Variants in CHMP4B observed in about 807,000 individuals in gnomAD.
CHMP4B encodes the protein SNF7 homolog associated with Alix 1.
In CHMP4B, 1 loss-of-function variant was observed where a neutral mutation model predicts 25.1. The ratio of observed to expected loss-of-function variants is 0.04; its 90% CI spans 0.01 to 0.19. The LOEUF (loss-of-function observed/expected upper bound fraction) is 0.19. Ranked by LOEUF, CHMP4B falls within the 10% of genes least tolerant of loss-of-function variation. The pLI is 1.00. For missense variants in CHMP4B, 151 were observed against 289.7 expected (o/e 0.52, Z 3.48); for synonymous variants, 101 against 115.6 (o/e 0.87, Z 0.81).
chr20:33,812,112 C>G (rs917387802), intron 1 of CHMP4B, among the ~76,000 whole-genome samples: 4 of 152,208 alleles, frequency 2.6e-5, no homozygotes, highest in Non-Finnish European at 4.4e-5. Context: ...GCCCCTTGGC[C>G]TCTCCCCTGT....
At chr20:33,849,386 G>A (rs1979776697) in intron 2 of CHMP4B, among the ~76,000 whole-genome samples, 1 of 152,144 alleles carries the variant, frequency 6.6e-6, no homozygotes, top group Non-Finnish European at 1.5e-5. Context: ...ATCACCTGAG[G>A]TCAGGAGTTC....
intron 1 of CHMP4B, among the ~76,000 whole-genome samples, chr20:33,821,130 T>C (rs1236235355): frequency 1.3e-5 from 2 of 152,178 alleles, no homozygotes; most frequent in African/African-American, 4.8e-5. Context: ...CTCACGCCTG[T>C]AATCCCAGCA....
Position 33,811,480 on chromosome 20 carries a change from C to G in CHMP4B, c.12C>G (p.Phe4Leu). 2 of 1,568,346 alleles carry G rather than the reference C, an allele frequency of 1.3e-6. No individual in the cohort carries two copies. Among genetic ancestry groups the G allele is most frequent in the African/African-American group, 1.3e-5 (1 of 74,110 alleles). ...GGCGAGCAGCAACCATGTCGGTGTT[C>G]GGGAAGCTGTTCGGGGCTGGAGGGG... MSV[F>L]GKLFGAGGGK... is the part of the protein sequence containing the mutation. The change falls in exon 1 of 5, where the codon TTC becomes TTG. Residue 4 changes from phenylalanine to leucine, a missense_variant. Phe to Leu is a conservative substitution (Grantham distance 22). Transcript: ENST00000217402.
intron 1 of CHMP4B, among the ~76,000 whole-genome samples, chr20:33,828,329 A>C (rs1397890839): frequency 1.3e-5 from 2 of 152,222 alleles, no homozygotes; most frequent in South Asian, 2.1e-4. Context: ...ATTCCAGTGA[A>C]TTCTACTGTA....
intron 3 of CHMP4B, among the ~76,000 whole-genome samples, chr20:33,851,782 T>C (rs1979857155): frequency 6.6e-6 from 1 of 152,206 alleles, no homozygotes; most frequent in South Asian, 2.1e-4. Flanking sequence ...TTCACTCGTG[T>C]GCCCAGCTCT....
At chr20:33,828,385 C>G (rs1979150428) in intron 1 of CHMP4B, among the ~76,000 whole-genome samples, 1 of 152,208 alleles carries the variant, frequency 6.6e-6, no homozygotes, top group Non-Finnish European at 1.5e-5. Flanking sequence ...GTGGCCAACC[C>G]TGCCAGAATA....
Position 33,848,721 on chromosome 20 carries a change from C to T in CHMP4B, c.368+77C>T, listed in dbSNP as rs543604811. ...CTCGTACCCAGGCCATGGCCTTGGGCAGACGGATCCCTTGACTTACCTATT... is the reference window on the plus strand; with the variant it reads ...CTCGTACCCAGGCCATGGCCTTGGGTAGACGGATCCCTTGACTTACCTATT... On this transcript the variant is annotated intron_variant, in intron 2 of 4. Coordinates refer to ENST00000217402, the MANE Select transcript of CHMP4B (RefSeq NM_176812.5). The T allele has an allele frequency of 5.0e-5, 74 of 1,478,190 alleles. 1 individual carries two copies. The Admixed American group carries it at 1.3e-3, about 26-fold the overall frequency. 91.6% of individuals were successfully genotyped at this position (1,478,190 alleles called of 1,614,324 possible).
intron 1 of CHMP4B, among the ~76,000 whole-genome samples, chr20:33,837,998 C>G (rs1302488563): frequency 6.6e-6 from 1 of 152,142 alleles, no homozygotes; most frequent in Admixed American, 6.5e-5. Flanking sequence ...GTCTGAGGCC[C>G]TAGGAAATGA....
At position 33,832,199 on chromosome 20, in the gene CHMP4B, C is replaced by A. The variant is rs77425107; in HGVS notation, c.191-16268C>A. ...TTGCCAGGGTGCTCTCATGCTTGCT[C>A]AGGCAGAAGGGGGCCCTTGTTGGCA... On this transcript the variant is annotated intron_variant, in intron 1 of 4. Transcript: ENST00000217402. Among the ~76,000 whole-genome samples, 157 of 152,282 alleles carry A rather than the reference C, an allele frequency of 1.0e-3. 2 individuals are homozygous for A. Among genetic ancestry groups the A allele is most frequent in the East Asian group, 7.3e-3 (38 of 5,184 alleles).
At chr20:33,826,299 G>A (rs771455212) in intron 1 of CHMP4B, among the ~76,000 whole-genome samples, 4 of 152,110 alleles carry the variant, frequency 2.6e-5, no homozygotes, top group Non-Finnish European at 5.9e-5. Context: ...ATTCGAGGCC[G>A]AGGAGACTGT....
chr20:33,848,750 G>A lies in CHMP4B; in HGVS notation c.368+106G>A. The A allele has an allele frequency of 3.4e-6, 4 of 1,188,276 alleles. No individual in the cohort carries two copies. The South Asian group carries it at 5.2e-5, about 16-fold the overall frequency. 73.6% of individuals were successfully genotyped at this position (1,188,276 alleles called of 1,614,324 possible). On this transcript the variant is annotated intron_variant, in intron 2 of 4. Transcript: ENST00000217402. The stretch of plus-strand genomic sequence containing the variant: ...CGGATCCCTTGACTTACCTATTCGA[G>A]CACCTGAGTTTGTTTTAATTCTCAT...
At chr20:33,843,498 T>C (rs1979600075) in intron 1 of CHMP4B, among the ~76,000 whole-genome samples, 1 of 152,244 alleles carries the variant, frequency 6.6e-6, no homozygotes, top group Non-Finnish European at 1.5e-5. Context: ...TTGATTTAGC[T>C]GAACAGCTTC....
intron 1 of CHMP4B, among the ~76,000 whole-genome samples, chr20:33,814,369 C>T (rs558235322): frequency 5.5e-4 from 83 of 152,142 alleles, no homozygotes; most frequent in African/African-American, 2.0e-3. Context: ...AGTGTATGTG[C>T]GTGTGAGAGA....
At chr20:33,834,992 C>T (rs775849318) in intron 1 of CHMP4B, among the ~76,000 whole-genome samples, 2 of 152,076 alleles carry the variant, frequency 1.3e-5, no homozygotes, top group Non-Finnish European at 2.9e-5. Flanking sequence ...AGACGAGTTT[C>T]ACCATGTTGG....
Position 33,852,349 on chromosome 20 carries a change from C to T in CHMP4B, c.610+146C>T, listed in dbSNP as rs146228790. 709 of 988,394 alleles carry T rather than the reference C, an allele frequency of 7.2e-4. 6 individuals are homozygous for T. The African/African-American group carries it at 9.2e-3, about 13-fold the overall frequency. The allele number at this position is 988,394 out of a possible 1,614,324, so 61.2% of individuals were successfully genotyped here. A position where few individuals can be genotyped will look rare whatever the true frequency, so the allele number is the denominator to read the frequency against. ...CCTGAGCTTGCCCAAGATTGAGAAC[C>T]AGACAGGATCCATTGTAGTGGCCAC... is the stretch of plus-strand genomic sequence containing the variant. On this transcript the variant is annotated intron_variant, in intron 4 of 4. Transcript: ENST00000217402.
At chr20:33,831,582 C>T (rs1272348909) in intron 1 of CHMP4B, among the ~76,000 whole-genome samples, 1 of 152,074 alleles carries the variant, frequency 6.6e-6, no homozygotes, top group Non-Finnish European at 1.5e-5. Flanking sequence ...CTATGTTGCC[C>T]AGGCTGGTCT....
intron 1 of CHMP4B, among the ~76,000 whole-genome samples, chr20:33,816,317 A>C (rs1235024179): frequency 1.3e-5 from 2 of 152,220 alleles, no homozygotes; most frequent in Non-Finnish European, 2.9e-5. Context: ...TATTCATCTC[A>C]CATGCCTATG....
At chr20:33,839,637 G>A (rs1323491618) in intron 1 of CHMP4B, among the ~76,000 whole-genome samples, 2 of 152,180 alleles carry the variant, frequency 1.3e-5, no homozygotes, top group Non-Finnish European at 2.9e-5. Context: ...GAATGCCCTT[G>A]GTGCCAGACT....
At chr20:33,836,707 C>T (rs562130112) in intron 1 of CHMP4B, among the ~76,000 whole-genome samples, 35 of 152,246 alleles carry the variant, frequency 2.3e-4, no homozygotes, top group African/African-American at 8.2e-4. Flanking sequence ...CTGCGTTGGT[C>T]TCCCCAGACT....
Sources: allele counts gnomAD v4.1 joint callset (sites outside exome capture counted in the v4.1 genomes callset), GRCh38; gene constraint gnomAD v4.1.1; transcripts MANE v1.5; gene names NCBI Gene and HGNC (gene_info 2026-07-23, HGNC 2026-07-21).